RGS7BP: variants seen among roughly 807,000 people sequenced by gnomAD.
RGS7BP encodes regulator of G protein signaling 7-binding protein.
In RGS7BP, 9 loss-of-function variants were observed where a neutral mutation model predicts 31.3. That is an observed-to-expected ratio of 0.29 (90% confidence interval 0.17 to 0.50). The LOEUF is 0.50. Ranked by LOEUF, RGS7BP falls within the 20% of genes least tolerant of loss-of-function variation. RGS7BP has a pLI of 0.98. For synonymous variants in RGS7BP, 115 were observed against 120.1 expected (o/e 0.96, Z 0.28); for missense variants, 274 against 322.0 (o/e 0.85, Z 1.14).
At chr5:64,551,287 G>C (rs1364820307) in intron 2 of RGS7BP, among the ~76,000 whole-genome samples, 2 of 146,744 alleles carry the variant, frequency 1.4e-5, no homozygotes, top group African/African-American at 5.1e-5. Flanking sequence ...TTTTGAGATG[G>C]AGTCTCACTC....
chr5:64,577,244 C>A (rs1194633048), intron 3 of RGS7BP, among the ~76,000 whole-genome samples: 1 of 152,088 alleles, frequency 6.6e-6, no homozygotes, highest in African/African-American at 2.4e-5. Flanking sequence ...TGAGACCATC[C>A]TGGCTAACAC....
chr5:64,584,177 T>C (rs979933494), intron 3 of RGS7BP, among the ~76,000 whole-genome samples: 11 of 152,288 alleles, frequency 7.2e-5, no homozygotes, highest in African/African-American at 2.6e-4. Context: ...GTTAGCTGAA[T>C]TCTATCTTAT....
chr5:64,522,184 G>A (rs907999850), intron 2 of RGS7BP, among the ~76,000 whole-genome samples: 6 of 152,142 alleles, frequency 3.9e-5, no homozygotes, highest in African/African-American at 1.4e-4. Context: ...TAGTTCCAAT[G>A]AGTACAGCTA....
chr5:64,602,594 T>C (rs1743247494), intron 5 of RGS7BP, among the ~76,000 whole-genome samples: 1 of 152,096 alleles, frequency 6.6e-6, no homozygotes, highest in African/African-American at 2.4e-5. Flanking sequence ...CCTGTCCCTT[T>C]CAACAGGGAA....
At chr5:64,544,257 A>G (rs1017943080) in intron 2 of RGS7BP, among the ~76,000 whole-genome samples, 1 of 152,254 alleles carries the variant, frequency 6.6e-6, no homozygotes, top group Non-Finnish European at 1.5e-5. Flanking sequence ...GTGAAAATAC[A>G]GTATGATGTG....
At chr5:64,508,505 C>T (rs1042598936) in intron 2 of RGS7BP, among the ~76,000 whole-genome samples, 2 of 152,122 alleles carry the variant, frequency 1.3e-5, no homozygotes, top group African/African-American at 4.8e-5. Context: ...TCAGATTTAT[C>T]GTTTTTCTAG....
intron 2 of RGS7BP, among the ~76,000 whole-genome samples, chr5:64,508,517 C>G (rs1748754251): frequency 6.6e-6 from 1 of 152,132 alleles, no homozygotes; most frequent in African/African-American, 2.4e-5. Flanking sequence ...TTTTTCTAGC[C>G]TGTATTAGGA....
chr5:64,560,607 AT>A (rs1344997896), intron 2 of RGS7BP, among the ~76,000 whole-genome samples: 1 of 151,588 alleles, frequency 6.6e-6, no homozygotes, highest in Non-Finnish European at 1.5e-5. Flanking sequence ...TGCATGCTTA[AT>A]TTTTTATTTA....
chr5:64,535,607 T>C (rs890675023), intron 2 of RGS7BP, among the ~76,000 whole-genome samples: 1 of 152,222 alleles, frequency 6.6e-6, no homozygotes, highest in Non-Finnish European at 1.5e-5. Flanking sequence ...TTATCCAACA[T>C]AGAGAGCTTC....
chr5:64,558,589 A>G (rs997640627), intron 2 of RGS7BP, among the ~76,000 whole-genome samples: 5 of 152,144 alleles, frequency 3.3e-5, no homozygotes, highest in African/African-American at 1.2e-4. Context: ...GTTTTTGAAC[A>G]ATATGAAATC....
rs1420703918 is a variant in RGS7BP at position 64,610,677 on chromosome 5, T to C, written c.*1425T>C. 6.6e-6 allele frequency: 1 copy of C among 151,956 alleles called. No individual in the cohort carries two copies. Among genetic ancestry groups the C allele is most frequent in the Non-Finnish European group, 1.5e-5 (1 of 67,934 alleles). The allele number at this position is 151,956 out of a possible 1,614,324, so 9.4% of individuals were successfully genotyped here. On this transcript the variant is annotated 3_prime_UTR_variant, in exon 6 of 6. Transcript: ENST00000334025. ...AATATTTTTACCTAAAAACTAAATA[T>C]ATTAAGGCCTTTTGCTTTAGTGAAG...
chr5:64,539,854 A>G (rs1403289616), intron 2 of RGS7BP: 1 of 152,138 alleles, frequency 6.6e-6, no homozygotes, highest in East Asian at 1.9e-4. Flanking sequence ...AACCCTTTTG[A>G]GCTAATTTTT....
chr5:64,565,057 AT>A (rs560439804), intron 2 of RGS7BP, among the ~76,000 whole-genome samples: 2 of 152,136 alleles, frequency 1.3e-5, no homozygotes, highest in South Asian at 4.1e-4. Flanking sequence ...GCATCAAACT[AT>A]TATGAGTAAA....
chr5:64,594,617 C>G, intron 3 of RGS7BP, 93 bp from the exon 4 acceptor site: 1 of 1,232,236 alleles, frequency 8.1e-7, no homozygotes, highest in Non-Finnish European at 1.2e-6. Flanking sequence ...TGACTCAAAG[C>G]ATAGCCAACC....
intron 2 of RGS7BP, among the ~76,000 whole-genome samples, chr5:64,561,109 A>T (rs1742045156): frequency 6.6e-6 from 1 of 151,982 alleles, no homozygotes; most frequent in African/African-American, 2.4e-5. Flanking sequence ...CCCCACATAC[A>T]CTAGCTTACA....
At chr5:64,522,182 A>G (rs1749122981) in intron 2 of RGS7BP, among the ~76,000 whole-genome samples, 1 of 152,152 alleles carries the variant, frequency 6.6e-6, no homozygotes, top group African/African-American at 2.4e-5. Flanking sequence ...TGTAGTTCCA[A>G]TGAGTACAGC....
intron 5 of RGS7BP, among the ~76,000 whole-genome samples, chr5:64,598,968 T>A (rs1413653103): frequency 1.3e-5 from 2 of 152,150 alleles, no homozygotes; most frequent in African/African-American, 4.8e-5. Context: ...AGACTGTAAG[T>A]AGAAAAACTG....
chr5:64,525,840 C>T (rs1169341353), intron 2 of RGS7BP, among the ~76,000 whole-genome samples: 1 of 152,224 alleles, frequency 6.6e-6, no homozygotes, highest in East Asian at 1.9e-4. Flanking sequence ...AAATGGACAT[C>T]TATCTCCTCC....
chr5:64,583,123 C>G lies in RGS7BP; in HGVS notation c.463+7219C>G, dbSNP rs192302144. On this transcript the variant is annotated intron_variant, in intron 3 of 5. Coordinates refer to ENST00000334025, the MANE Select transcript of RGS7BP (RefSeq NM_001029875.3). ...AAGAGGTAGGCCAGGCGCAGTGGCT[C>G]ACTCCTGTAATCCCAGTACTTTGGG... Among the ~76,000 whole-genome samples the G allele has an allele frequency of 4.6e-5, 7 of 152,274 alleles. No homozygotes were observed. In the East Asian group the frequency reaches 1.4e-3, roughly 29 times the overall value.
Sources: allele counts gnomAD v4.1 joint callset (sites outside exome capture counted in the v4.1 genomes callset), GRCh38; gene constraint gnomAD v4.1.1; transcripts MANE v1.5; gene names NCBI Gene and HGNC (gene_info 2026-07-23, HGNC 2026-07-21).